Variants in SLC24A2 observed in about 807,000 individuals in gnomAD.
The protein encoded by SLC24A2 is solute carrier family 24 member 2, also known as sodium/potassium/calcium exchanger 2.
A neutral mutation model predicts 62.0 loss-of-function variants in SLC24A2; 36 were observed. The ratio of observed to expected loss-of-function variants is 0.58; its 90% CI spans 0.44 to 0.77. The LOEUF is 0.77. Ranked by LOEUF, SLC24A2 falls within the 30% of genes least tolerant of loss-of-function variation. The pLI is 0.00. For missense variants in SLC24A2, 846 were observed against 817.9 expected (o/e 1.03, Z -0.42); for synonymous variants, 358 against 294.0 (o/e 1.22, Z -2.23).
At chr9:20,058,064 G>T in the SLC24A2 span, among the ~76,000 whole-genome samples, 1 of 152,194 alleles carries the variant, frequency 6.6e-6, no homozygotes, top group South Asian at 2.1e-4. Flanking sequence ...ATTTAACATT[G>T]AACTCACTGG....
chr9:20,069,065 A>G, the SLC24A2 span, among the ~76,000 whole-genome samples: 1 of 151,892 alleles, frequency 6.6e-6, no homozygotes, highest in Non-Finnish European at 1.5e-5. Context: ...TGTTTTTCCT[A>G]CTCCAGCAAT....
the SLC24A2 span, among the ~76,000 whole-genome samples, chr9:20,298,508 C>T: frequency 3.9e-5 from 6 of 152,190 alleles, no homozygotes; most frequent in African/African-American, 7.2e-5. Context: ...GGATTACAGG[C>T]GTGAGCCACC....
At chr9:19,846,107 C>T in the SLC24A2 span, among the ~76,000 whole-genome samples, 33 of 152,024 alleles carry the variant, frequency 2.2e-4, no homozygotes, top group Non-Finnish European at 4.9e-4. Context: ...CTATTAGGTC[C>T]AATTGGTCAA....
chr9:19,710,240 T>A (rs553010548), intron 2 of SLC24A2, among the ~76,000 whole-genome samples: 1 of 152,290 alleles, frequency 6.6e-6, no homozygotes, highest in East Asian at 1.9e-4. Flanking sequence ...CATCTGCCCC[T>A]ATGGGTAGAG....
the SLC24A2 span, among the ~76,000 whole-genome samples, chr9:19,864,730 C>A: frequency 1.5e-4 from 23 of 152,046 alleles, no homozygotes; most frequent in Non-Finnish European, 2.7e-4. Context: ...CAGCTAGTAT[C>A]ATATTGAATG....
chr9:20,122,456 G>C, the SLC24A2 span, among the ~76,000 whole-genome samples: 2 of 152,172 alleles, frequency 1.3e-5, no homozygotes, highest in East Asian at 3.8e-4. Flanking sequence ...GGAGGCTGAC[G>C]TGGGCAGATC....
the SLC24A2 span, among the ~76,000 whole-genome samples, chr9:20,169,743 C>A: frequency 6.6e-6 from 1 of 151,770 alleles, no homozygotes; most frequent in African/African-American, 2.4e-5. Flanking sequence ...ACCAGAAAAC[C>A]GACTCTGGTA....
the SLC24A2 span, among the ~76,000 whole-genome samples, chr9:20,001,331 A>G: frequency 6.6e-6 from 1 of 152,224 alleles, no homozygotes; most frequent in East Asian, 1.9e-4. Flanking sequence ...CTGGCACTCT[A>G]TTTTGGCTCA....
At chr9:20,243,541 T>TG in the SLC24A2 span, among the ~76,000 whole-genome samples, 1 of 152,322 alleles carries the variant, frequency 6.6e-6, no homozygotes, top group South Asian at 2.1e-4. Flanking sequence ...ATCTTCAATC[T>TG]GAGATCATTT....
chr9:19,869,892 C>T, the SLC24A2 span, among the ~76,000 whole-genome samples: 1 of 152,186 alleles, frequency 6.6e-6, no homozygotes, highest in Admixed American at 6.5e-5. Context: ...GTGTCACTTC[C>T]TTTCAATCTG....
the SLC24A2 span, among the ~76,000 whole-genome samples, chr9:20,039,845 T>C: frequency 1.2e-4 from 18 of 152,230 alleles, no homozygotes; most frequent in Admixed American, 1.0e-3. Flanking sequence ...ATACCAGATA[T>C]GAGGATGCTG....
At chr9:20,290,996 G>A in the SLC24A2 span, among the ~76,000 whole-genome samples, 1 of 152,192 alleles carries the variant, frequency 6.6e-6, no homozygotes, top group Non-Finnish European at 1.5e-5. Flanking sequence ...AACCTGGCAA[G>A]CAGGGCATAG....
At chr9:19,750,300 G>C (rs1251203651) in intron 2 of SLC24A2, among the ~76,000 whole-genome samples, 1 of 151,806 alleles carries the variant, frequency 6.6e-6, no homozygotes, top group Non-Finnish European at 1.5e-5. Flanking sequence ...TCCTCTGCTT[G>C]GATATCCTAC....
chr9:19,655,338 C>T (rs1357103373), intron 2 of SLC24A2, among the ~76,000 whole-genome samples: 1 of 152,170 alleles, frequency 6.6e-6, no homozygotes, highest in Non-Finnish European at 1.5e-5. Context: ...AACAAAACTA[C>T]CACAAGCTGA....
the SLC24A2 span, among the ~76,000 whole-genome samples, chr9:20,035,289 T>C: frequency 6.6e-6 from 1 of 152,210 alleles, no homozygotes; most frequent in Non-Finnish European, 1.5e-5. Context: ...ACAATACTTG[T>C]AAAGCACTAT....
the SLC24A2 span, among the ~76,000 whole-genome samples, chr9:20,227,891 T>C: frequency 2.6e-5 from 4 of 152,188 alleles, no homozygotes; most frequent in African/African-American, 9.7e-5. Flanking sequence ...AAAGGAAATG[T>C]AGTCACAGAA....
At chr9:20,049,593 G>A in the SLC24A2 span, among the ~76,000 whole-genome samples, 1 of 149,818 alleles carries the variant, frequency 6.7e-6, no homozygotes, top group African/African-American at 2.5e-5. Flanking sequence ...GCTACACTAA[G>A]TATTTACAAA....
the SLC24A2 span, among the ~76,000 whole-genome samples, chr9:19,831,464 T>C: frequency 6.6e-6 from 1 of 152,222 alleles, no homozygotes; most frequent in African/African-American, 2.4e-5. Flanking sequence ...AGGCCACTTA[T>C]AAGCCATATT....
chr9:19,996,450 A>T, the SLC24A2 span, among the ~76,000 whole-genome samples: 1 of 152,152 alleles, frequency 6.6e-6, no homozygotes, highest in Admixed American at 6.5e-5. Flanking sequence ...GTTAAAGAAG[A>T]TCCATCAATG....
Sources: gnomAD v4.1 joint callset for allele counts (sites outside exome capture counted in the v4.1 genomes callset) on GRCh38, gnomAD v4.1.1 for gene constraint, MANE v1.5 for transcripts, NCBI Gene and HGNC (gene_info 2026-07-23, HGNC 2026-07-21) for gene names.